BACE2: variants seen among roughly 807,000 people sequenced by gnomAD.
The protein encoded by BACE2 is beta-secretase 2, also known as 56 kDa aspartic-like protease.
BACE2 carries 17 observed loss-of-function variants against 46.2 expected under a neutral mutation model. The observed-to-expected ratio is 0.37, with a 90% CI of 0.25 to 0.55. The LOEUF (loss-of-function observed/expected upper bound fraction) is 0.55, where lower values mean the gene tolerates loss of function less well. Ranked by LOEUF, BACE2 falls within the 20% of genes least tolerant of loss-of-function variation. BACE2 has a pLI of 0.82. For synonymous variants in BACE2, 277 were observed against 295.9 expected, an observed-to-expected ratio of 0.94 and a Z score of 0.66; for missense variants, 595 against 698.1, an observed-to-expected ratio of 0.85 and a Z score of 1.66.
chr21:41,196,558 T>C (rs1400343278), intron 1 of BACE2, among the ~76,000 whole-genome samples: 1 of 151,662 alleles, frequency 6.6e-6, no homozygotes, highest in Non-Finnish European at 1.5e-5. Context: ...CAAGTGAGAA[T>C]AGCAAGGTAG....
chr21:41,222,781 G>A (rs1259150676), intron 1 of BACE2, among the ~76,000 whole-genome samples: 1 of 152,224 alleles, frequency 6.6e-6, no homozygotes, highest in East Asian at 1.9e-4. Context: ...AGGAGGTGAG[G>A]GGTGGGCCGG....
intron 1 of BACE2, among the ~76,000 whole-genome samples, chr21:41,210,138 C>A (rs1568868836): frequency 6.6e-6 from 1 of 152,110 alleles, no homozygotes; most frequent in Non-Finnish European, 1.5e-5. Flanking sequence ...CTCCTACACC[C>A]TAAATACTGC....
In BACE2 at chr21:41,257,318, C is replaced by G. The variant is rs761187359; in HGVS notation, c.1295C>G (p.Pro432Arg). Reference protein sequence around the residue: ...AQKRVGFAASPCAEIAGAAVS... With the variant: ...AQKRVGFAASRCAEIAGAAVS... Reference sequence around the variant, plus strand: ...AAGAGGGTGGGCTTCGCAGCGAGCCCCTGTGCAGGTGAGCGATTCTGGCAT... The same window carrying G: ...AAGAGGGTGGGCTTCGCAGCGAGCCGCTGTGCAGGTGAGCGATTCTGGCAT... Residue 432 changes from proline (P) to arginine (R), a missense_variant, in exon 8 of 9, where the codon CCC (proline) becomes CGC (arginine). By Grantham distance (103) the Pro-to-Arg change is moderately radical. Coordinates refer to ENST00000330333, the MANE Select transcript of BACE2 (RefSeq NM_012105.5). 2.5e-6 allele frequency: 4 copies of G among 1,613,468 alleles called. No homozygotes were observed. Among genetic ancestry groups the G allele is most frequent in the Admixed American group, 3.3e-5 (2 of 60,002 alleles).
intron 1 of BACE2, among the ~76,000 whole-genome samples, chr21:41,209,354 C>T (rs1338848578): frequency 1.3e-5 from 2 of 152,188 alleles, no homozygotes; most frequent in Admixed American, 1.3e-4. Context: ...CAGGGGGAGG[C>T]CTGTGTGGTC....
At chr21:41,168,660 G>A (rs1984471548) in intron 1 of BACE2, 85 bp downstream of exon 1, 2 of 1,100,968 alleles carry the variant, frequency 1.8e-6, no homozygotes, top group African/African-American at 1.6e-5. Context: ...GCGGCTTAGC[G>A]TCGCCCCCAA....
chr21:41,211,417 C>G lies in BACE2; in HGVS notation c.313-14849C>G, dbSNP rs548710545. Among the ~76,000 whole-genome samples the G allele has an allele frequency of 4.2e-4, 64 of 152,310 alleles. 1 individual carries two copies. The South Asian group carries it at 0.013, about 31-fold the overall frequency. ...TGGTGCTCTTTGAAAATGATTCCCCCCTCCCTTTATAAAAACAACCTTAAT... is the reference window on the plus strand; with the variant it reads ...TGGTGCTCTTTGAAAATGATTCCCCGCTCCCTTTATAAAAACAACCTTAAT... On this transcript the variant is annotated intron_variant, in intron 1 of 8. Transcript: ENST00000330333.
chr21:41,204,772 C>G (rs75109002), intron 1 of BACE2, among the ~76,000 whole-genome samples: 13 of 152,288 alleles, frequency 8.5e-5, no homozygotes, highest in African/African-American at 3.1e-4. Context: ...TCTGTCATTT[C>G]TCTTCTGGGT....
intron 1 of BACE2, among the ~76,000 whole-genome samples, chr21:41,173,524 C>T (rs900388427): frequency 3.3e-5 from 5 of 152,110 alleles, no homozygotes; most frequent in African/African-American, 1.2e-4. Context: ...GGCGGGTCAC[C>T]TGAGGTCAGG....
intron 1 of BACE2, chr21:41,175,345 G>A (rs910557496): frequency 3.3e-5 from 5 of 152,244 alleles, no homozygotes; most frequent in African/African-American, 4.8e-5. Context: ...GTAACGTGGC[G>A]ATGCCCTGGG....
intron 2 of BACE2, among the ~76,000 whole-genome samples, chr21:41,228,275 T>A (rs1466024747): frequency 6.6e-6 from 1 of 152,190 alleles, no homozygotes; most frequent in Non-Finnish European, 1.5e-5. Flanking sequence ...AGTAGGCAGA[T>A]GCTGGAGGTG....
intron 7 of BACE2, among the ~76,000 whole-genome samples, chr21:41,253,303 T>C (rs948353829): frequency 6.6e-5 from 10 of 151,958 alleles, no homozygotes; most frequent in Non-Finnish European, 1.2e-4. Context: ...TTAGCTGGGC[T>C]TGGTGGCGGG....
chr21:41,240,497 G>A (rs754531870), intron 3 of BACE2, among the ~76,000 whole-genome samples: 6 of 152,244 alleles, frequency 3.9e-5, no homozygotes, highest in Non-Finnish European at 5.9e-5. Flanking sequence ...AAGCCCCAGA[G>A]CGGCTCCAGG....
intron 1 of BACE2, among the ~76,000 whole-genome samples, chr21:41,172,897 G>T (rs1984655263): frequency 6.6e-6 from 1 of 152,178 alleles, no homozygotes; most frequent in Non-Finnish European, 1.5e-5. Flanking sequence ...GGAGGCTCTG[G>T]GGGAGGATCC....
chr21:41,259,599 C>A (rs867318820), intron 8 of BACE2, among the ~76,000 whole-genome samples: 35 of 151,886 alleles, frequency 2.3e-4, no homozygotes, highest in South Asian at 2.3e-3. Flanking sequence ...AAATAAAAAA[C>A]CAAGTATAGC....
chr21:41,232,658 C>T (rs562249327), intron 2 of BACE2, among the ~76,000 whole-genome samples: 1 of 152,188 alleles, frequency 6.6e-6, no homozygotes, highest in South Asian at 2.1e-4. Flanking sequence ...CTCTCTCTTG[C>T]CCCAGCTCTC....
rs923514337 is a variant in BACE2 at position 41,281,189 on chromosome 21, C to G, written c.*5565C>G. The G allele has an allele frequency of 6.6e-6, 1 of 152,220 alleles. No homozygotes were observed. The highest frequency in any genetic ancestry group is 2.4e-5 in the African/African-American group (1 of 41,460). 9.4% of individuals were successfully genotyped at this position (152,220 alleles called of 1,614,324 possible). On this transcript the variant is annotated 3_prime_UTR_variant, in exon 9 of 9. Transcript: ENST00000330333. ...GGATAATTGTTTGTGTAAGACCAAC[C>G]AGATAAAGTCCAAACTGTGTAGAAC... is the stretch of plus-strand genomic sequence containing the variant.
At chr21:41,243,712 T>C (rs1360044085) in intron 5 of BACE2, among the ~76,000 whole-genome samples, 1 of 152,132 alleles carries the variant, frequency 6.6e-6, no homozygotes, top group Non-Finnish European at 1.5e-5. Context: ...TATTGCATCC[T>C]CCCAACCACT....
intron 8 of BACE2, among the ~76,000 whole-genome samples, chr21:41,268,691 T>C (rs1260848207): frequency 6.6e-6 from 1 of 152,180 alleles, no homozygotes; most frequent in South Asian, 2.1e-4. Flanking sequence ...TATGCTACTA[T>C]CATGCCTATA....
chr21:41,208,222 T>C (rs736714), intron 1 of BACE2, among the ~76,000 whole-genome samples: 75,006 of 152,140 alleles, frequency 0.49, 22,285 homozygotes, highest in African/African-American at 0.83. Context: ...ACAGGATTAG[T>C]TTCTCTTTCT....
Sources: gnomAD v4.1 joint callset for allele counts (sites outside exome capture counted in the v4.1 genomes callset) on GRCh38, gnomAD v4.1.1 for gene constraint, MANE v1.5 for transcripts, NCBI Gene and HGNC (gene_info 2026-07-23, HGNC 2026-07-21) for gene names.